The following GPM6B variants were observed in gnomAD, a reference collection of about 807,000 sequenced individuals.
GPM6B encodes the protein neuronal membrane glycoprotein M6-b.
Under a neutral mutation model 27.2 loss-of-function variants are expected in GPM6B, and 4 were observed. The observed-to-expected ratio is 0.15, with a 90% CI of 0.07 to 0.34. GPM6B has a LOEUF of 0.34. GPM6B is among the 10% of genes least tolerant of loss of function. The probability of loss-of-function intolerance (pLI) is 1.00; values close to 1 mark genes in which losing one functional copy is unlikely to be tolerated. For synonymous variants in GPM6B, 124 were observed against 103.1 expected (o/e 1.20, Z -1.23); for missense variants, 183 against 261.9 (o/e 0.70, Z 2.08).
chrX:13,820,992 C>T (rs184143573), upstream of GPM6B, among the ~76,000 whole-genome samples: 2 of 111,043 alleles, frequency 1.8e-5, no homozygotes, highest in Non-Finnish European at 3.8e-5. Context: ...AATTAGAAAA[C>T]GAGGGAAATA....
chrX:13,823,717 G>A (rs1280821847), intron 1 of GPM6B, among the ~76,000 whole-genome samples: 1 of 111,087 alleles, frequency 9.0e-6, no homozygotes, highest in African/African-American at 3.3e-5. Context: ...AAGGGTTTTT[G>A]CCATGTTGGC....
intron 1 of GPM6B, among the ~76,000 whole-genome samples, chrX:13,916,211 C>T (rs1056598752): frequency 8.9e-6 from 1 of 111,882 alleles, no homozygotes; most frequent in Admixed American, 9.5e-5. Context: ...TACACACACA[C>T]TCTGCCAATG....
intron 1 of GPM6B, among the ~76,000 whole-genome samples, chrX:13,914,238 C>CT (rs2050407340): frequency 8.9e-6 from 1 of 112,273 alleles, no homozygotes; most frequent in Admixed American, 9.4e-5. Flanking sequence ...ACTAGTTTTA[C>CT]TTTTTTTATA....
At chrX:13,859,155 T>C (rs1603087187) in intron 1 of GPM6B, among the ~76,000 whole-genome samples, 1 of 112,336 alleles carries the variant, frequency 8.9e-6, no homozygotes, top group East Asian at 2.8e-4. Flanking sequence ...AATTTAGTAA[T>C]CATATGCAGT....
intron 1 of GPM6B, among the ~76,000 whole-genome samples, chrX:13,905,065 T>C (rs2050315827): frequency 9.4e-6 from 1 of 106,911 alleles, no homozygotes; most frequent in African/African-American, 3.4e-5. Flanking sequence ...CGAGACCTCA[T>C]CTCTACAATT....
chrX:13,825,008 C>T (rs915068040), intron 1 of GPM6B, among the ~76,000 whole-genome samples: 1 of 111,467 alleles, frequency 9.0e-6, no homozygotes, highest in African/African-American at 3.3e-5. Context: ...TCTCTGCCTC[C>T]GTCATCACAT....
intron 2 of GPM6B, among the ~76,000 whole-genome samples, chrX:13,807,047 C>G (rs761670476): frequency 1.8e-5 from 2 of 112,155 alleles, no homozygotes; most frequent in African/African-American, 6.5e-5. Context: ...CCTAGCGGTT[C>G]TGAATGGCCA....
At chrX:13,899,150 C>A (rs1389368734) in intron 1 of GPM6B, among the ~76,000 whole-genome samples, 2 of 110,328 alleles carry the variant, frequency 1.8e-5, no homozygotes, top group Non-Finnish European at 3.8e-5. Flanking sequence ...GTGGCTCATG[C>A]CTGTAATCCC....
intron 2 of GPM6B, among the ~76,000 whole-genome samples, chrX:13,791,657 G>C (rs1192355734): frequency 9.0e-6 from 1 of 111,622 alleles, no homozygotes; most frequent in Admixed American, 9.5e-5. Context: ...AGTCTCAAAG[G>C]CTATTTTGTC....
intron 2 of GPM6B, among the ~76,000 whole-genome samples, chrX:13,801,093 A>T (rs1307285172): frequency 9.0e-6 from 1 of 111,688 alleles, no homozygotes; most frequent in African/African-American, 3.3e-5. Context: ...GTAAACCACA[A>T]ATATCTTTTC....
At chrX:13,839,057 T>A (rs1464185211) in intron 1 of GPM6B, among the ~76,000 whole-genome samples, 1 of 111,467 alleles carries the variant, frequency 9.0e-6, no homozygotes, top group East Asian at 2.8e-4. Context: ...AACAGAATAT[T>A]TGTAGGTCCC....
chrX:13,806,077 G>C (rs185469364), intron 2 of GPM6B, among the ~76,000 whole-genome samples: 1 of 110,913 alleles, frequency 9.0e-6, no homozygotes, highest in East Asian at 2.8e-4. Flanking sequence ...CAATGACTTT[G>C]AGTAAATGTA....
At chrX:13,902,014 TG>T (rs2050286641) in intron 1 of GPM6B, among the ~76,000 whole-genome samples, 1 of 112,169 alleles carries the variant, frequency 8.9e-6, no homozygotes, top group South Asian at 3.7e-4. Flanking sequence ...TTTTGGCATT[TG>T]TTGGTCTAAA....
chrX:13,925,200 C>T lies in GPM6B; in HGVS notation c.-198+13127G>A, dbSNP rs189907217. 7.4e-3 allele frequency among the ~76,000 whole-genome samples: 833 copies of T among 111,996 alleles called. 3 individuals carry two copies. Among genetic ancestry groups the T allele is most frequent in the Non-Finnish European group, 0.012 (645 of 53,205 alleles). On this transcript the variant is annotated intron_variant, in intron 1 of 6. Coordinates refer to the GPM6B transcript ENST00000398361. ...TTATGACCAGGCTGGTATGTGATAA[C>T]TCAGAATCAGCTTCCCTTCACAGTT...
intron 1 of GPM6B, among the ~76,000 whole-genome samples, chrX:13,825,337 C>T (rs1489814037): frequency 8.9e-6 from 1 of 112,037 alleles, no homozygotes; most frequent in Non-Finnish European, 1.9e-5. Context: ...TGAGCGTTAC[C>T]ACCAGCAGAG....
At chrX:13,816,657 G>T (rs1240800781) in intron 1 of GPM6B, among the ~76,000 whole-genome samples, 187 bp downstream of exon 1, 2 of 111,349 alleles carry the variant, frequency 1.8e-5, no homozygotes, top group Non-Finnish European at 3.8e-5. Context: ...GAACAGGAAT[G>T]GATTGAAGAA....
intron 1 of GPM6B, among the ~76,000 whole-genome samples, chrX:13,924,085 G>A (rs1921054180): frequency 9.0e-6 from 1 of 111,533 alleles, no homozygotes; most frequent in African/African-American, 3.3e-5. Flanking sequence ...TGAAGGCAGA[G>A]TGCCTTGAGG....
intron 1 of GPM6B, among the ~76,000 whole-genome samples, chrX:13,873,936 A>G (rs1444134366): frequency 8.9e-6 from 1 of 112,409 alleles, no homozygotes; most frequent in Admixed American, 9.4e-5. Flanking sequence ...AATTAAATAC[A>G]GCATTAAAAA....
At position 13,824,044 on chromosome X, in the gene GPM6B, C is replaced by T. The variant is rs145698376; in HGVS notation, c.-197-38236G>A. The stretch of plus-strand genomic sequence containing the variant: ...AGTCAAGGTCGGTATTGCTGCTCCT[C>T]TCCTCGCTCTTAAATCAGGATTGCT... On this transcript the variant is annotated intron_variant, in intron 1 of 6. Transcript: ENST00000398361. 9.0e-3 allele frequency among the ~76,000 whole-genome samples: 1,011 copies of T among 112,055 alleles called. 10 individuals are homozygous for T. The highest frequency in any genetic ancestry group is 0.031 in the African/African-American group (959 of 30,807).
Sources: allele counts gnomAD v4.1 joint callset (sites outside exome capture counted in the v4.1 genomes callset), GRCh38; gene constraint gnomAD v4.1.1; transcripts MANE v1.5; gene names NCBI Gene and HGNC (gene_info 2026-07-23, HGNC 2026-07-21).